MICAL2: variants seen among roughly 807,000 people sequenced by gnomAD.
MICAL2 encodes the protein microtubule associated monooxygenase, calponin and LIM domain containing 2.
In MICAL2, 77 loss-of-function variants were observed where a neutral mutation model predicts 127.3. The ratio of observed to expected loss-of-function variants is 0.60; its 90% CI spans 0.50 to 0.73. The LOEUF is 0.73. Ranked by LOEUF, MICAL2 falls within the 30% of genes least tolerant of loss-of-function variation. The probability of loss-of-function intolerance (pLI) is 0.00; values close to 1 mark genes in which losing one functional copy is unlikely to be tolerated. For synonymous variants in MICAL2, 570 were observed against 551.1 expected (o/e 1.03, Z -0.48); for missense variants, 1,351 against 1,434.4 (o/e 0.94, Z 0.94).
At chr11:12,192,778 A>T (rs1432957582) in intron 3 of MICAL2, among the ~76,000 whole-genome samples, 1 of 152,144 alleles carries the variant, frequency 6.6e-6, no homozygotes. Context: ...ACTCAGTCTT[A>T]AAAAATAAAA....
chr11:12,181,311 A>G (rs1405553971), intron 3 of MICAL2, among the ~76,000 whole-genome samples: 1 of 152,166 alleles, frequency 6.6e-6, no homozygotes, highest in African/African-American at 2.4e-5. Context: ...GCATTATTTT[A>G]TATTTATGAA....
intron 22 of MICAL2, among the ~76,000 whole-genome samples, chr11:12,249,579 C>T (rs1162138041): frequency 6.6e-6 from 1 of 152,240 alleles, no homozygotes; most frequent in Non-Finnish European, 1.5e-5. Flanking sequence ...AGGGACTCCT[C>T]AGTGAGGATG....
At chr11:12,293,561 A>T, downstream of MICAL2, 1 of 1,599,186 alleles carries the variant, frequency 6.3e-7, no homozygotes, top group Non-Finnish European at 8.5e-7. Context: ...TCCCATCTAG[A>T]TGACAGCTTC....
At chr11:12,306,202 C>T (rs1258827243) in intron 29 of MICAL2, among the ~76,000 whole-genome samples, 1 of 152,146 alleles carries the variant, frequency 6.6e-6, no homozygotes, top group African/African-American at 2.4e-5. Context: ...AGTCACTAAT[C>T]CCACATGGCT....
At chr11:12,277,913 C>CT (rs1349325976) in intron 1 of MICAL2, among the ~76,000 whole-genome samples, 1 of 152,198 alleles carries the variant, frequency 6.6e-6, no homozygotes, top group Non-Finnish European at 1.5e-5. Context: ...TGTTACTCTA[C>CT]TGAATACTAT....
intron 30 of MICAL2, chr11:12,319,855 G>T: frequency 6.9e-7 from 1 of 1,449,374 alleles, no homozygotes; most frequent in Non-Finnish European, 9.7e-7. Flanking sequence ...GCTGGTGGGG[G>T]CTGCTTACCA....
intron 1 of MICAL2, among the ~76,000 whole-genome samples, chr11:12,123,056 T>A (rs1850638750): frequency 6.6e-6 from 1 of 152,122 alleles, no homozygotes; most frequent in Non-Finnish European, 1.5e-5. Flanking sequence ...TTTTTTTTAA[T>A]CAAATCTCTA....
chr11:12,300,638 A>T (rs565888458), intron 29 of MICAL2, among the ~76,000 whole-genome samples: 1 of 152,174 alleles, frequency 6.6e-6, no homozygotes, highest in African/African-American at 2.4e-5. Context: ...AAGAAAACAG[A>T]CCCTATGCCC....
chr11:12,178,945 C>T (rs1590206420), intron 3 of MICAL2, among the ~76,000 whole-genome samples: 2 of 152,152 alleles, frequency 1.3e-5, no homozygotes, highest in African/African-American at 4.8e-5. Context: ...CTCTTCGCCC[C>T]CACTGTCCCA....
intron 2 of MICAL2, among the ~76,000 whole-genome samples, chr11:12,146,466 C>T (rs527594822): frequency 1.0e-3 from 153 of 152,344 alleles, no homozygotes; most frequent in Middle Eastern, 3.4e-3. Context: ...AAAAAATGCT[C>T]ATCATCACTG....
intron 15 of MICAL2, among the ~76,000 whole-genome samples, chr11:12,232,356 T>G (rs2134386443): frequency 6.6e-6 from 1 of 152,344 alleles, no homozygotes; most frequent in East Asian, 1.9e-4. Flanking sequence ...AAACTTGGAC[T>G]TGGGGAGATT....
intron 3 of MICAL2, among the ~76,000 whole-genome samples, chr11:12,174,565 G>A (rs1393545849): frequency 6.6e-6 from 1 of 151,282 alleles, no homozygotes; most frequent in African/African-American, 2.4e-5. Context: ...TACTGCATAT[G>A]TTTATCCATT....
chr11:12,239,316 T>C, intron 16 of MICAL2, 120 bp from the exon 17 acceptor site: 1 of 1,396,852 alleles, frequency 7.2e-7, no homozygotes, highest in East Asian at 2.3e-5. Context: ...CCTCCCTTCC[T>C]CAGACCATGG....
At chr11:12,179,443 A>G (rs1051090028) in intron 3 of MICAL2, among the ~76,000 whole-genome samples, 1 of 151,928 alleles carries the variant, frequency 6.6e-6, no homozygotes, top group East Asian at 1.9e-4. Context: ...AAACTGTCCC[A>G]CCTAAACTCC....
chr11:12,290,769 C>T (rs1050790769), downstream of MICAL2, among the ~76,000 whole-genome samples: 1 of 152,204 alleles, frequency 6.6e-6, no homozygotes, highest in African/African-American at 2.4e-5. Flanking sequence ...GTGGTGCCAT[C>T]TGTTCAGAGC....
intron 22 of MICAL2, chr11:12,250,215 C>T (rs1247955008): frequency 6.6e-6 from 1 of 152,170 alleles, no homozygotes; most frequent in Non-Finnish European, 1.5e-5. Flanking sequence ...AGAGAGAAGT[C>T]CCAGAACATG....
At chr11:12,302,020 C>T (rs1015108772) in intron 29 of MICAL2, among the ~76,000 whole-genome samples, 1 of 152,190 alleles carries the variant, frequency 6.6e-6, no homozygotes, top group Non-Finnish European at 1.5e-5. Context: ...ACAAGCAGTC[C>T]ATTATTCTGG....
At chr11:12,347,638 T>C (rs1938975739) in intron 32 of MICAL2, among the ~76,000 whole-genome samples, 1 of 151,964 alleles carries the variant, frequency 6.6e-6, no homozygotes, top group Non-Finnish European at 1.5e-5. Context: ...AATAATACAA[T>C]AAAAAATAAT....
At chr11:12,340,840 C>G (rs1015541616) in intron 32 of MICAL2, among the ~76,000 whole-genome samples, 1 of 152,016 alleles carries the variant, frequency 6.6e-6, no homozygotes, top group African/African-American at 2.4e-5. Context: ...TTTTTTGTTT[C>G]TAAAGAATAT....
Sources: allele counts gnomAD v4.1 joint callset (sites outside exome capture counted in the v4.1 genomes callset), GRCh38; gene constraint gnomAD v4.1.1; transcripts MANE v1.5; gene names NCBI Gene and HGNC (gene_info 2026-07-23, HGNC 2026-07-21).